SPART: variants seen among roughly 807,000 people sequenced by gnomAD.
SPART encodes spartin.
A neutral mutation model predicts 58.7 loss-of-function variants in SPART; 35 were observed. The ratio of observed to expected loss-of-function variants is 0.60; its 90% CI spans 0.46 to 0.79. SPART has a LOEUF of 0.79. Among genes scored for constraint, SPART ranks in the 30% least tolerant of loss-of-function variants. The pLI, the probability that SPART is intolerant of heterozygous loss-of-function variation, is 0.00. For synonymous variants in SPART, 284 were observed against 280.7 expected, an observed-to-expected ratio of 1.01 and a Z score of -0.12; for missense variants, 730 against 786.1, an observed-to-expected ratio of 0.93 and a Z score of 0.85.
At chr13:36,319,294 C>T (rs552371277) in intron 5 of SPART, among the ~76,000 whole-genome samples, 1 of 151,320 alleles carries the variant, frequency 6.6e-6, no homozygotes, top group Admixed American at 6.6e-5. Flanking sequence ...CAATCCAAAG[C>T]CTCCTTTGCG....
At chr13:36,357,458 T>G (rs1708931185) in intron 1 of SPART, among the ~76,000 whole-genome samples, 1 of 152,184 alleles carries the variant, frequency 6.6e-6, no homozygotes. Context: ...CTGGTAAGGA[T>G]TCTGCTGAAA....
At chr13:36,317,509 GACCCCTTATTTCCGTGCCCC>G (rs1438196449) in intron 5 of SPART, among the ~76,000 whole-genome samples, 1 of 78,314 alleles carries the variant, frequency 1.3e-5, no homozygotes, top group Non-Finnish European at 2.5e-5. Context: ...TCCGTGCCCC[GACCCCTTATTTCCGTGCCCC>G]ACCCCTTATT....
intron 1 of SPART, chr13:36,345,465 T>G (rs970984339): frequency 3.3e-5 from 5 of 152,226 alleles, no homozygotes; most frequent in African/African-American, 1.2e-4. Flanking sequence ...AGGCCATTAT[T>G]TCAAAGGCTG....
chr13:36,329,299 A>G, intron 4 of SPART, 63 bp downstream of exon 4: 1 of 1,575,868 alleles, frequency 6.3e-7, no homozygotes, highest in South Asian at 1.1e-5. Flanking sequence ...TCATATAAAT[A>G]CATGAAACTG....
At chr13:36,370,166 G>A (rs1886213916) in exon 1 of SPART, 1 of 152,244 alleles carries the variant, frequency 6.6e-6, no homozygotes. Context: ...ACGGAAGGTG[G>A]GGGCTGGTAC....
Position 36,314,365 on chromosome 13 carries a change from T to C in SPART, c.1345A>G (p.Ile449Val). Residue 449 changes from isoleucine (I) to valine (V), a missense_variant, in exon 6 of 9, where the codon ATC becomes GTC. Transcript: ENST00000438666. ...VKGAEITGKA[I>V]QKGASKLRER... ...CGGAGTTTAGAAGCACCTTTCTGGATTGCCTTACCAGTAATCTCAGCACCT... is the reference window on the plus strand; with the variant it reads ...CGGAGTTTAGAAGCACCTTTCTGGACTGCCTTACCAGTAATCTCAGCACCT... 6.2e-7 allele frequency: 1 copy of C among 1,614,158 alleles called. No homozygotes were observed. Among genetic ancestry groups the C allele is most frequent in the Non-Finnish European group, 8.5e-7 (1 of 1,180,028 alleles).
chr13:36,333,916 C>T (rs76540628), intron 2 of SPART, among the ~76,000 whole-genome samples: 3 of 152,156 alleles, frequency 2.0e-5, no homozygotes, highest in African/African-American at 7.2e-5. Flanking sequence ...TATTTCCTTT[C>T]AATAATGCCC....
chr13:36,332,155 T>G (rs561077562), intron 2 of SPART, among the ~76,000 whole-genome samples: 1 of 152,126 alleles, frequency 6.6e-6, no homozygotes, highest in Admixed American at 6.5e-5. Context: ...TTAACACATA[T>G]AGTCTGGACC....
chr13:36,318,791 T>G (rs1566116291), intron 5 of SPART, among the ~76,000 whole-genome samples: 1 of 152,168 alleles, frequency 6.6e-6, no homozygotes, highest in Non-Finnish European at 1.5e-5. Context: ...GTCCCATCTG[T>G]GTGGGACCCC....
At position 36,331,383 on chromosome 13, in the gene SPART, T is replaced by TGA. The variant is rs765560024; in HGVS notation, c.1008+14_1008+15dup. 3.7e-6 allele frequency: 6 copies of TGA among 1,612,266 alleles called. No individual in the cohort carries two copies. The East Asian group carries it at 1.3e-4, about 36-fold the overall frequency. ...AAGTAGATTTTTTTCACCCTAAAGA[T>TGA]GATCACACAAGTTACCTGGAGCCGA... is the stretch of plus-strand genomic sequence containing the variant. On this transcript the variant is annotated intron_variant, in intron 3 of 8. Transcript: ENST00000438666.
At chr13:36,331,021 C>T (rs1388216957) in intron 3 of SPART, among the ~76,000 whole-genome samples, 1 of 152,166 alleles carries the variant, frequency 6.6e-6, no homozygotes, top group Non-Finnish European at 1.5e-5. Flanking sequence ...CTAACATTCA[C>T]AGAGCATAAC....
intron 2 of SPART, among the ~76,000 whole-genome samples, chr13:36,334,025 G>A (rs1483454446): frequency 1.3e-5 from 2 of 152,180 alleles, no homozygotes; most frequent in South Asian, 4.1e-4. Flanking sequence ...ATCAACAGGA[G>A]AGAATACCAA....
At chr13:36,355,578 C>G (rs144644847) in intron 1 of SPART, among the ~76,000 whole-genome samples, 1 of 152,242 alleles carries the variant, frequency 6.6e-6, no homozygotes, top group African/African-American at 2.4e-5. Flanking sequence ...ATGTTACTTG[C>G]AACAAAGCAA....
intron 1 of SPART, among the ~76,000 whole-genome samples, chr13:36,345,905 T>C (rs1885061308): frequency 6.6e-6 from 1 of 151,912 alleles, no homozygotes; most frequent in Non-Finnish European, 1.5e-5. Context: ...ATAGCGATGC[T>C]CCGAAAGGAC....
Position 36,355,546 on chromosome 13 carries a change from G to A in SPART, c.-3+14543C>T, listed in dbSNP as rs539921506. Among the ~76,000 whole-genome samples the A allele has an allele frequency of 3.9e-5, 6 of 152,296 alleles. No homozygotes were observed. The East Asian group carries it at 9.6e-4, about 24-fold the overall frequency. The stretch of plus-strand genomic sequence containing the variant: ...ATTGGAACAGCACAGAAAATGACAT[G>A]CCAACATATCTCCTACTATATATGT... On this transcript the variant is annotated intron_variant, in intron 1 of 8. Transcript: ENST00000355182.
intron 6 of SPART, among the ~76,000 whole-genome samples, chr13:36,313,295 T>G (rs1881316073): frequency 6.6e-6 from 1 of 152,230 alleles, no homozygotes; most frequent in South Asian, 2.1e-4. Flanking sequence ...ATAATGATGG[T>G]TTGGTCATTT....
intron 1 of SPART, among the ~76,000 whole-genome samples, chr13:36,355,736 C>T (rs1428777780): frequency 6.6e-6 from 1 of 152,120 alleles, no homozygotes; most frequent in Non-Finnish European, 1.5e-5. Flanking sequence ...AAAATTTAAC[C>T]TGAGAGACTG....
At position 36,302,169 on chromosome 13, in the gene SPART, T is replaced by C. The variant is rs954690669; in HGVS notation, c.*2196A>G. ...CATATAGGTAATTGGCAGCTTTCCA[T>C]GTCTTTAGGTGTGATGAGTTTTTAA... On this transcript the variant is annotated 3_prime_UTR_variant, in exon 9 of 9. Transcript: ENST00000438666. The C allele has an allele frequency of 2.6e-5, 4 of 152,206 alleles. No individual in the cohort carries two copies. Among genetic ancestry groups the C allele is most frequent in the Non-Finnish European group, 5.9e-5 (4 of 68,032 alleles). The allele number at this position is 152,206 out of a possible 1,614,324, so 9.4% of individuals were successfully genotyped here.
In SPART at chr13:36,329,435, G is replaced by C. The variant is rs754409265; in HGVS notation, c.1091C>G (p.Ala364Gly). ...CAACTGTTTCACATCAGTGCCAGAG[G>C]CTTCTTTTAGTTGGTCAGAGGAGGG... is the stretch of plus-strand genomic sequence containing the variant. The part of the protein sequence containing the change: ...TRPSSDQLKE[A>G]SGTDVKQLDQ... The change falls in exon 4 of 9, where the codon GCC becomes GGC. Residue 364 changes from alanine (A) to glycine (G), a missense_variant. Physicochemically the swap from Ala to Gly is moderately conservative, Grantham distance 60. Transcript: ENST00000438666. The C allele has an allele frequency of 1.8e-5, 29 of 1,614,094 alleles. No homozygotes were observed. The highest frequency in any genetic ancestry group is 2.5e-5 in the Non-Finnish European group (29 of 1,179,988).
Sources: gnomAD v4.1 joint callset for allele counts (sites outside exome capture counted in the v4.1 genomes callset) on GRCh38, gnomAD v4.1.1 for gene constraint, MANE v1.5 for transcripts, NCBI Gene and HGNC (gene_info 2026-07-23, HGNC 2026-07-21) for gene names.